Variants in SEC16B observed in about 807,000 individuals in gnomAD.
SEC16B encodes the protein protein transport protein Sec16B.
Under a neutral mutation model 141.8 loss-of-function variants are expected in SEC16B, and 115 were observed. That is an observed-to-expected ratio of 0.81 (90% CI 0.70 to 0.95). SEC16B has a LOEUF of 0.95. Among genes scored for constraint, SEC16B ranks in the 40% least tolerant of loss-of-function variants. The probability of loss-of-function intolerance (pLI) is 0.00; values close to 1 mark genes in which losing one functional copy is unlikely to be tolerated. For synonymous variants in SEC16B, 493 were observed against 492.5 expected (o/e 1.00, Z -0.01); for missense variants, 1,291 against 1,312.3 (o/e 0.98, Z 0.25).
chr1:177,950,264 G>C (rs1652070218), intron 12 of SEC16B, among the ~76,000 whole-genome samples: 3 of 152,152 alleles, frequency 2.0e-5, no homozygotes. Flanking sequence ...ATGGAGATTG[G>C]ACAGACGTGC....
At chr1:177,953,996 C>T (rs993717463) in intron 11 of SEC16B, among the ~76,000 whole-genome samples, 3 of 152,132 alleles carry the variant, frequency 2.0e-5, no homozygotes, top group African/African-American at 7.2e-5. Flanking sequence ...ACAGCCCCTC[C>T]CAAAGAAAGA....
chr1:177,949,565 T>C lies in SEC16B; in HGVS notation c.1546-1623A>G, dbSNP rs373182279. Among the ~76,000 whole-genome samples the C allele has an allele frequency of 1.6e-4, 24 of 152,070 alleles. 3 individuals are homozygous for C. Among genetic ancestry groups the C allele is most frequent in the Admixed American group, 9.8e-4 (15 of 15,258 alleles). On this transcript the variant is annotated intron_variant, in intron 12 of 25. Transcript: ENST00000308284. ...GAGAGAAAGCACCAACATTTATTAATTAACGAAAATGGGCCAAGCATGATG... is the reference window on the plus strand; with the variant it reads ...GAGAGAAAGCACCAACATTTATTAACTAACGAAAATGGGCCAAGCATGATG...
At chr1:177,961,799 T>C in intron 5 of SEC16B, 65 bp from the exon 6 acceptor site, 1 of 1,470,680 alleles carries the variant, frequency 6.8e-7, no homozygotes, top group Non-Finnish European at 9.3e-7. Flanking sequence ...CAAGCGTTCC[T>C]TCAAAGAAAC....
At chr1:177,961,451 T>G in intron 6 of SEC16B, 139 bp downstream of exon 6, 1 of 822,742 alleles carries the variant, frequency 1.2e-6, no homozygotes, top group Non-Finnish European at 1.8e-6. Flanking sequence ...GGAACCAAAG[T>G]TGACCTCTCT....
At chr1:177,949,615 T>C (rs895891128) in intron 12 of SEC16B, among the ~76,000 whole-genome samples, 6 of 152,086 alleles carry the variant, frequency 3.9e-5, no homozygotes, top group Admixed American at 3.9e-4. Flanking sequence ...ATGTTCTCTC[T>C]CCCTTAATTT....
At chr1:177,960,766 T>C in intron 7 of SEC16B, 25 bp downstream of exon 7, 2 of 1,590,406 alleles carry the variant, frequency 1.3e-6, no homozygotes, top group Non-Finnish European at 1.7e-6. Context: ...GTGCCAGCAT[T>C]CCAGGGACAC....
At chr1:177,933,380 C>A in intron 21 of SEC16B, 68 bp from the exon 22 acceptor site, 1 of 1,554,802 alleles carries the variant, frequency 6.4e-7, no homozygotes, top group Admixed American at 1.9e-5. Flanking sequence ...GGTTAACCCG[C>A]CCCCATGTAA....
At chr1:177,979,226 ATCAG>A (rs1379885897) in intron 1 of SEC16B, among the ~76,000 whole-genome samples, 1 of 152,256 alleles carries the variant, frequency 6.6e-6, no homozygotes, top group African/African-American at 2.4e-5. Flanking sequence ...CTTCAAAGTT[ATCAG>A]TCAGTGTAAA....
chr1:177,948,366 A>G, intron 12 of SEC16B: 1 of 1,305,300 alleles, frequency 7.7e-7, no homozygotes, highest in Non-Finnish European at 1.0e-6. Context: ...AGTCGGGGGA[A>G]CACGGGCCTG....
intron 5 of SEC16B, 125 bp downstream of exon 5, chr1:177,964,046 G>A: frequency 1.6e-6 from 1 of 639,230 alleles, no homozygotes; most frequent in Non-Finnish European, 2.7e-6. Flanking sequence ...CAAGAGGGGA[G>A]GAATGGGTCC....
chr1:177,948,512 C>T, intron 12 of SEC16B: 1 of 1,304,220 alleles, frequency 7.7e-7, no homozygotes, highest in Non-Finnish European at 1.0e-6. Flanking sequence ...AGCCAAGTGG[C>T]CCAGCTAGGA....
chr1:177,945,225 G>C, intron 14 of SEC16B: 1 of 152,444 alleles, frequency 6.6e-6, no homozygotes, highest in East Asian at 1.9e-4. Flanking sequence ...TGGGGACTGA[G>C]TGAATGTGAT....
chr1:177,970,852 A>G (rs1653913244), upstream of SEC16B, among the ~76,000 whole-genome samples: 2 of 152,164 alleles, frequency 1.3e-5, no homozygotes, highest in African/African-American at 2.4e-5. Flanking sequence ...CTTTCTCTCA[A>G]CAAATGCTTA....
chr1:177,961,625 G>T lies in SEC16B; in HGVS notation c.752C>A (p.Pro251His). Residue 251 changes from proline (P) to histidine (H), a missense_variant, in exon 6 of 26, where the codon CCC (proline) becomes CAC (histidine). By Grantham distance (77) the Pro-to-His change is moderately conservative (BLOSUM62 -2). Coordinates refer to ENST00000308284, the MANE Select transcript of SEC16B (RefSeq NM_033127.4). ...TGGACTCCAAGCTGCTGAAGCTGGG[G>T]GATCATCCCGCTCCGGGGCATCTCT... The part of the protein sequence containing the change: ...YIRDAPERDD[P>H]PASAAWSPVQ... 3.1e-6 allele frequency: 5 copies of T among 1,613,796 alleles called. No homozygotes were observed. Among genetic ancestry groups the T allele is most frequent in the Non-Finnish European group, 4.2e-6 (5 of 1,179,822 alleles).
intron 14 of SEC16B, 30 bp from the exon 15 acceptor site, chr1:177,944,696 T>C (rs1160024390): frequency 6.3e-7 from 1 of 1,578,406 alleles, no homozygotes; most frequent in Non-Finnish European, 8.7e-7. Flanking sequence ...ATAAAAGAGA[T>C]TGAGGTGTGG....
Position 177,932,703 on chromosome 1 carries a change from C to A in SEC16B, c.2927G>T (p.Gly976Val). The A allele has an allele frequency of 1.3e-6, 2 of 1,587,294 alleles. No homozygotes were observed. Among genetic ancestry groups the A allele is most frequent in the Non-Finnish European group, 8.6e-7 (1 of 1,167,646 alleles). The change falls in exon 23 of 26, where the codon GGC becomes GTC. Residue 976 changes from glycine to valine, a missense_variant. Physicochemically the swap from Gly to Val is moderately radical, Grantham distance 109 (BLOSUM62 -3). This residue lies in a region of SEC16B where 605 missense variants were observed against 614.1 expected (regional missense o/e 0.99). Coordinates refer to ENST00000308284, the MANE Select transcript of SEC16B (RefSeq NM_033127.4). ...AGGACGTGAGGTGACGGTACCTCTG[C>A]CCCTGGAGAAGGCACTAACATCCGG... ...PLPDVSAFSR[G>V]RGGGEGRGSA...
intron 1 of SEC16B, among the ~76,000 whole-genome samples, chr1:177,979,298 C>G (rs1345403610): frequency 6.6e-6 from 1 of 152,066 alleles, no homozygotes; most frequent in Non-Finnish European, 1.5e-5. Flanking sequence ...AATAAGAATT[C>G]AAAGATTAAT....
chr1:177,980,587 A>T (rs1275030177), intron 1 of SEC16B, among the ~76,000 whole-genome samples: 1 of 152,116 alleles, frequency 6.6e-6, no homozygotes, highest in Non-Finnish European at 1.5e-5. Flanking sequence ...TTCAGGCCAC[A>T]CTAAGTGGGC....
chr1:177,933,979 G>T, intron 20 of SEC16B, among the ~76,000 whole-genome samples: 1 of 148,742 alleles, frequency 6.7e-6, no homozygotes. Flanking sequence ...ACCCACAGAG[G>T]CCCACAAGCT....
Sources: gnomAD v4.1 joint callset for allele counts (sites outside exome capture counted in the v4.1 genomes callset) on GRCh38, gnomAD v4.1.1 for gene constraint, gnomAD v4.1.1 regional missense constraint, MANE v1.5 for transcripts, NCBI Gene and HGNC (gene_info 2026-07-23, HGNC 2026-07-21) for gene names.